ZNF487: variants seen among roughly 807,000 people sequenced by gnomAD.
ZNF487 encodes zinc finger protein 487, also known as KRAB domain only 1.
A neutral mutation model predicts 3.0 loss-of-function variants in ZNF487; 4 were observed. That is an observed-to-expected ratio of 1.35 (90% CI 0.66 to 3.08). The LOEUF (loss-of-function observed/expected upper bound fraction) is 3.08, where lower values mean the gene tolerates loss of function less well. ZNF487 is among the 30% of genes most tolerant of loss of function. ZNF487 has a pLI of 0.01. For missense variants in ZNF487, 146 were observed against 98.7 expected (o/e 1.48, Z -2.03); for synonymous variants, 55 against 34.6 (o/e 1.59, Z -2.06).
Position 43,483,057 on chromosome 10 carries a change from A to G in ZNF487, c.*1135A>G, listed in dbSNP as rs768134106. On this transcript the variant is annotated 3_prime_UTR_variant, in exon 4 of 4. Coordinates refer to ENST00000437590, the MANE Select transcript of ZNF487 (RefSeq NM_001355444.3). ...CTTCACTAAATGTCAGAGAGACAAC[A>G]TAGAGGAAACCCTTGTCAACATCCT... The G allele has an allele frequency of 2.8e-5, 13 of 459,790 alleles. 1 individual carries two copies. The highest frequency in any genetic ancestry group is 1.7e-4 in the South Asian group (11 of 64,858). 28.5% of individuals were successfully genotyped at this position (459,790 alleles called of 1,614,324 possible). A position where few individuals can be genotyped will look rare whatever the true frequency, so the allele number is the denominator to read the frequency against.
intron 1 of ZNF487, among the ~76,000 whole-genome samples, chr10:43,441,303 T>C (rs1051290265): frequency 6.6e-6 from 1 of 151,976 alleles, no homozygotes; most frequent in Non-Finnish European, 1.5e-5. Context: ...TCTCACTCCT[T>C]CGCCCAGGCT....
intron 1 of ZNF487, among the ~76,000 whole-genome samples, chr10:43,473,297 A>C (rs937801252): frequency 6.6e-6 from 1 of 151,404 alleles, no homozygotes; most frequent in African/African-American, 2.4e-5. Context: ...CATGTTGGCC[A>C]GGGAACTCCT....
chr10:43,437,463 C>G (rs1839430165), intron 1 of ZNF487, among the ~76,000 whole-genome samples: 1 of 152,096 alleles, frequency 6.6e-6, no homozygotes, highest in Non-Finnish European at 1.5e-5. Context: ...GAGACAAGGG[C>G]AACCAGAAGG....
chr10:43,442,714 A>G (rs894647847), intron 1 of ZNF487, among the ~76,000 whole-genome samples: 3 of 152,158 alleles, frequency 2.0e-5, no homozygotes, highest in African/African-American at 7.2e-5. Flanking sequence ...AAATGCTGGG[A>G]TTACAGGCGT....
chr10:43,496,063 G>A, the ZNF487 span: 14 of 534,372 alleles, frequency 2.6e-5, no homozygotes, highest in Admixed American at 7.8e-5. Context: ...CCCAGGAGGA[G>A]TGGTAGCATC....
the ZNF487 span, among the ~76,000 whole-genome samples, chr10:43,493,047 A>G: frequency 2.0e-5 from 3 of 151,932 alleles, no homozygotes; most frequent in African/African-American, 7.2e-5. Flanking sequence ...CCTGACCAAC[A>G]TGGAGAAACC....
downstream of ZNF487, among the ~76,000 whole-genome samples, chr10:43,488,083 T>C (rs1320688178): frequency 1.3e-5 from 2 of 151,432 alleles, no homozygotes; most frequent in Admixed American, 1.3e-4. Flanking sequence ...GCCTGGGTGA[T>C]AGAGCAAGAC....
At chr10:43,446,723 C>T (rs962851648) in intron 1 of ZNF487, among the ~76,000 whole-genome samples, 1 of 151,128 alleles carries the variant, frequency 6.6e-6, no homozygotes, top group African/African-American at 2.4e-5. Context: ...GGCTGCCGGG[C>T]AGAGGGGCTC....
chr10:43,493,704 AAAAAAATATATAT>A, the ZNF487 span, among the ~76,000 whole-genome samples: 147 of 80,848 alleles, frequency 1.8e-3, 2 homozygotes, highest in Admixed American at 3.5e-3. Flanking sequence ...AGAAAAAAAA[AAAAAAATATATAT>A]ATATATATAT....
intron 3 of ZNF487, among the ~76,000 whole-genome samples, chr10:43,478,569 A>C (rs112767892): frequency 4.5e-4 from 69 of 152,224 alleles, no homozygotes; most frequent in African/African-American, 1.6e-3. Context: ...TAAATAAAAA[A>C]AAAATTAGCC....
the ZNF487 span, among the ~76,000 whole-genome samples, chr10:43,499,920 G>C: frequency 6.6e-6 from 1 of 152,064 alleles, no homozygotes; most frequent in Non-Finnish European, 1.5e-5. Flanking sequence ...GTCTCACTCT[G>C]TCGCCCATGC....
chr10:43,451,058 T>C (rs1014260224), intron 1 of ZNF487, among the ~76,000 whole-genome samples: 2 of 151,308 alleles, frequency 1.3e-5, no homozygotes, highest in South Asian at 4.2e-4. Context: ...AGGATTCTCC[T>C]GCCCCAGCCT....
chr10:43,493,166 G>A, the ZNF487 span, among the ~76,000 whole-genome samples: 1 of 152,272 alleles, frequency 6.6e-6, no homozygotes, highest in South Asian at 2.1e-4. Flanking sequence ...GGAGGCGGAG[G>A]TTGCGGTGAG....
chr10:43,512,164 C>T, the ZNF487 span, among the ~76,000 whole-genome samples: 2 of 152,300 alleles, frequency 1.3e-5, no homozygotes, highest in Admixed American at 6.5e-5. Flanking sequence ...GCCTGCATAT[C>T]GTGCAGAATC....
chr10:43,472,498 C>T (rs989931802), intron 1 of ZNF487, among the ~76,000 whole-genome samples: 1 of 152,096 alleles, frequency 6.6e-6, no homozygotes, highest in Non-Finnish European at 1.5e-5. Context: ...TTACAGCAAC[C>T]GTTGCAGAGC....
intron 3 of ZNF487, among the ~76,000 whole-genome samples, chr10:43,480,084 C>CTTTCTTTTCTTTTCTTTTCTTTTCT (rs375980543): frequency 7.2e-5 from 10 of 139,718 alleles, no homozygotes; most frequent in African/African-American, 2.5e-4. Context: ...TTCCTTCCTT[C>CTTTCTTTTCTTTTCTTTTCTTTTCT]TTTCTTTTCT....
the ZNF487 span, among the ~76,000 whole-genome samples, chr10:43,494,394 G>A: frequency 6.6e-6 from 1 of 152,094 alleles, no homozygotes; most frequent in African/African-American, 2.4e-5. Flanking sequence ...AATGGGGCAG[G>A]CCAGATTTGG....
intron 1 of ZNF487, among the ~76,000 whole-genome samples, chr10:43,458,337 AAGGTGGGACAACTTGAAGGGC>A (rs1009258840): frequency 1.3e-5 from 2 of 152,212 alleles, no homozygotes; most frequent in Non-Finnish European, 2.9e-5. Flanking sequence ...ACTGGAATCA[AAGGTGGGACAACTTGAAGGGC>A]AGGTGGCTTC....
At chr10:43,496,027 G>T in the ZNF487 span, 1 of 533,502 alleles carries the variant, frequency 1.9e-6, no homozygotes, top group Non-Finnish European at 3.8e-6. Flanking sequence ...GATCAGTGTC[G>T]CTCAAGGACG....
Sources: gnomAD v4.1 joint callset for allele counts (sites outside exome capture counted in the v4.1 genomes callset) on GRCh38, gnomAD v4.1.1 for gene constraint, MANE v1.5 for transcripts, NCBI Gene and HGNC (gene_info 2026-07-23, HGNC 2026-07-21) for gene names.